The following DCDC2 variants were observed in gnomAD, a reference collection of about 807,000 sequenced individuals.
The protein encoded by DCDC2 is doublecortin domain-containing protein 2.
DCDC2 carries 40 observed loss-of-function variants against 50.2 expected under a neutral mutation model. That is an observed-to-expected ratio of 0.80 (90% CI 0.62 to 1.04). The LOEUF is 1.04. DCDC2 is among the 50% of genes least tolerant of loss of function. DCDC2 has a pLI of 0.00. For synonymous variants in DCDC2, 234 were observed against 210.6 expected, an observed-to-expected ratio of 1.11 and a Z score of -0.96; for missense variants, 570 against 581.9, an observed-to-expected ratio of 0.98 and a Z score of 0.21.
chr6:24,362,376 T>TGA (rs1222375746), upstream of DCDC2, among the ~76,000 whole-genome samples: 19 of 139,832 alleles, frequency 1.4e-4, no homozygotes, highest in East Asian at 6.0e-4. Context: ...AATTGTATGT[T>TGA]TATACAATTA....
intron 7 of DCDC2, among the ~76,000 whole-genome samples, chr6:24,248,149 C>T (rs187161624): frequency 2.2e-4 from 33 of 152,202 alleles, no homozygotes; most frequent in Admixed American, 6.5e-4. Flanking sequence ...TCAGTTTCTG[C>T]ATCTGTAGAT....
At chr6:24,180,591 G>C (rs1299797494) in intron 8 of DCDC2, among the ~76,000 whole-genome samples, 1 of 151,198 alleles carries the variant, frequency 6.6e-6, no homozygotes. Context: ...CCCGGCCCAG[G>C]GTTTTTTTTA....
chr6:24,357,384 G>T, intron 1 of DCDC2, 74 bp downstream of exon 1: 1 of 1,480,714 alleles, frequency 6.8e-7, no homozygotes, highest in Non-Finnish European at 9.0e-7. Flanking sequence ...GGGGGGTAGG[G>T]ATCTGCATTT....
At chr6:24,306,159 T>G (rs16889038) in intron 2 of DCDC2, among the ~76,000 whole-genome samples, 16,033 of 152,192 alleles carry the variant, frequency 0.11, 1,207 homozygotes, top group African/African-American at 0.21. Context: ...CAGAGCCCCG[T>G]GTAGCCAGGG....
Position 24,271,224 on chromosome 6 carries a change from A to AAAAAAAG in DCDC2, c.922+6824_922+6825insCTTTTTT, listed in dbSNP as rs919124775. Among the ~76,000 whole-genome samples, 52 of 142,994 alleles carry AAAAAAAG rather than the reference A, an allele frequency of 3.6e-4. 1 individual carries two copies. Among genetic ancestry groups the AAAAAAAG allele is most frequent in the African/African-American group, 1.3e-3 (50 of 37,066 alleles). The allele number at this position is 142,994 out of a possible 152,430, so 93.8% of individuals were successfully genotyped here. A position where few individuals can be genotyped will look rare whatever the true frequency, so the allele number is the denominator to read the frequency against. The stretch of plus-strand genomic sequence containing the variant: ...CACTCCCTCAAAAAAAAAAAAAAAA[A>AAAAAAAG]AGAGAGAGAGAGAGAGAAAGAAAGA... On this transcript the variant is annotated intron_variant, in intron 7 of 9. Coordinates refer to ENST00000378454, the MANE Select transcript of DCDC2 (RefSeq NM_016356.5).
chr6:24,173,448 C>G lies in DCDC2; in HGVS notation c.*1282G>C, dbSNP rs1272568770. The G allele has an allele frequency of 6.6e-6, 1 of 151,956 alleles. No homozygotes were observed. The highest frequency in any genetic ancestry group is 1.5e-5 in the Non-Finnish European group (1 of 67,986). The allele number at this position is 151,956 out of a possible 1,614,324, so 9.4% of individuals were successfully genotyped here. ...ACTTCCACATAATTAAAAATATATC[C>G]TTTAAGAAAAATATATTATTTCTAT... On this transcript the variant is annotated 3_prime_UTR_variant, in exon 10 of 10. Coordinates refer to ENST00000378454, the MANE Select transcript of DCDC2 (RefSeq NM_016356.5).
At chr6:24,344,820 G>C (rs1760226799) in intron 2 of DCDC2, among the ~76,000 whole-genome samples, 1 of 152,196 alleles carries the variant, frequency 6.6e-6, no homozygotes, top group African/African-American at 2.4e-5. Context: ...CCTTGGTAAG[G>C]TCATGAATAC....
At chr6:24,233,209 T>C (rs1213190382) in intron 7 of DCDC2, among the ~76,000 whole-genome samples, 2 of 152,238 alleles carry the variant, frequency 1.3e-5, no homozygotes, top group African/African-American at 2.4e-5. Flanking sequence ...ATAGTCCTAC[T>C]GGCTTCACAA....
the DCDC2 span, chr6:24,365,777 GAAT>G: frequency 1.2e-4 from 18 of 152,190 alleles, no homozygotes; most frequent in African/African-American, 3.9e-4. Flanking sequence ...AAAAAGAAAA[GAAT>G]AATAAAAAGT....
At chr6:24,204,290 C>T (rs369005639) in intron 8 of DCDC2, among the ~76,000 whole-genome samples, 18 of 152,196 alleles carry the variant, frequency 1.2e-4, no homozygotes, top group Admixed American at 2.6e-4. Context: ...ATATACACCA[C>T]GGAATACTAT....
chr6:24,246,631 C>T (rs914230831), intron 7 of DCDC2, among the ~76,000 whole-genome samples: 1 of 151,670 alleles, frequency 6.6e-6, no homozygotes, highest in Admixed American at 6.6e-5. Context: ...GGATTACAGG[C>T]GTCAGCCACA....
chr6:24,269,881 A>G (rs947624388), intron 7 of DCDC2, among the ~76,000 whole-genome samples: 6 of 152,174 alleles, frequency 3.9e-5, no homozygotes, highest in African/African-American at 1.4e-4. Context: ...CCATTATTAC[A>G]TCAGACTGCT....
At chr6:24,338,415 A>G (rs760282780) in intron 2 of DCDC2, among the ~76,000 whole-genome samples, 6 of 152,144 alleles carry the variant, frequency 3.9e-5, no homozygotes, top group Non-Finnish European at 7.3e-5. Context: ...CCAGTAGCCC[A>G]GGCCAGAAAC....
At chr6:24,276,019 G>A (rs1380257657) in intron 7 of DCDC2, among the ~76,000 whole-genome samples, 1 of 151,758 alleles carries the variant, frequency 6.6e-6, no homozygotes, top group Admixed American at 6.6e-5. Flanking sequence ...ACAGGTGCAT[G>A]CCACTGTGCC....
Position 24,288,872 on chromosome 6 carries a change from A to G in DCDC2, c.739T>C (p.Ser247Pro), listed in dbSNP as rs749455459. The change falls in exon 6 of 10, where the codon TCC becomes CCC. Residue 247 changes from serine to proline, a missense_variant. Physicochemically the swap from Ser to Pro is moderately conservative, Grantham distance 74. Transcript: ENST00000378454. ...CTTACACTCCCTTTAGACTTTCTGG[A>G]TCCTACAATAGGAGGTAGTGAAGAA... ...KASSLPPIVGSRKSKGSGNDR... is the reference protein window; with the variant it reads ...KASSLPPIVGPRKSKGSGNDR... 3 of 1,609,246 alleles carry G rather than the reference A, an allele frequency of 1.9e-6. No individual in the cohort carries two copies. Among genetic ancestry groups the G allele is most frequent in the Non-Finnish European group, 2.5e-6 (3 of 1,178,538 alleles).
chr6:24,382,412 A>C, the DCDC2 span, among the ~76,000 whole-genome samples: 1 of 152,208 alleles, frequency 6.6e-6, no homozygotes, highest in African/African-American at 2.4e-5. Flanking sequence ...ATGTTTAAAA[A>C]AATCAATAAA....
chr6:24,251,560 A>G (rs1762794373), intron 7 of DCDC2, among the ~76,000 whole-genome samples: 1 of 152,052 alleles, frequency 6.6e-6, no homozygotes, highest in Admixed American at 6.6e-5. Context: ...TGCTCTTTTC[A>G]GTTGCAAAGT....
At chr6:24,353,244 G>T in intron 2 of DCDC2, 1 of 475,126 alleles carries the variant, frequency 2.1e-6, no homozygotes, top group Non-Finnish European at 4.3e-6. Context: ...CTTTGGTAAA[G>T]ATTTATTTAA....
At chr6:24,336,847 C>T (rs902070268) in intron 2 of DCDC2, among the ~76,000 whole-genome samples, 3 of 152,022 alleles carry the variant, frequency 2.0e-5, no homozygotes, top group African/African-American at 7.2e-5. Flanking sequence ...TTTCCATTTA[C>T]TGAATTCTAA....
Sources: allele counts gnomAD v4.1 joint callset (sites outside exome capture counted in the v4.1 genomes callset), GRCh38; gene constraint gnomAD v4.1.1; transcripts MANE v1.5; gene names NCBI Gene and HGNC (gene_info 2026-07-23, HGNC 2026-07-21).